Variants in GPX5 observed in about 807,000 individuals in gnomAD.
GPX5 encodes glutathione peroxidase 5.
In GPX5, 20 loss-of-function variants were observed where a neutral mutation model predicts 23.8. The ratio of observed to expected loss-of-function variants is 0.84; its 90% CI spans 0.59 to 1.22. GPX5 has a LOEUF of 1.22. GPX5 is among the 50% of genes most tolerant of loss of function. The pLI is 0.00. For synonymous variants in GPX5, 92 were observed against 99.5 expected (o/e 0.92, Z 0.45); for missense variants, 230 against 266.6 (o/e 0.86, Z 0.96).
At position 28,530,703 on chromosome 6, in the gene GPX5, T is replaced by G. The variant is rs540636768; in HGVS notation, c.242-1075T>G. On this transcript the variant is annotated intron_variant, in intron 2 of 4. Coordinates refer to ENST00000412168, the MANE Select transcript of GPX5 (RefSeq NM_001509.3). ...ATTGGACCACAATTTATTTTCCCAG[T>G]TTATAGGGACTTTAAGAATCGATTT... Among the ~76,000 whole-genome samples the G allele has an allele frequency of 3.3e-5, 5 of 152,298 alleles. No individual in the cohort carries two copies. In the East Asian group the frequency reaches 7.7e-4, roughly 23 times the overall value.
chr6:28,531,765 C>T lies in GPX5; in HGVS notation c.242-13C>T, dbSNP rs770456980. 31 of 1,572,204 alleles carry T rather than the reference C, an allele frequency of 2.0e-5. 1 individual carries two copies. In the Admixed American group the frequency reaches 5.5e-4, roughly 28 times the overall value. ...CTCTACCTAGACCAAAATTGTTCCT[C>T]CTCTAACTGCAGAACTAAATGCACT... is the stretch of plus-strand genomic sequence containing the variant. On this transcript the variant is annotated splice_polypyrimidine_tract_variant and intron_variant, in intron 2 of 4. Transcript: ENST00000412168.
chr6:28,529,671 C>A, intron 2 of GPX5, 67 bp downstream of exon 2: 1 of 1,096,890 alleles, frequency 9.1e-7, no homozygotes. Flanking sequence ...CTAAATTATA[C>A]TTGGAATTAT....
At chr6:28,528,812 TG>T (rs1763256307) in intron 1 of GPX5, among the ~76,000 whole-genome samples, 1 of 87,782 alleles carries the variant, frequency 1.1e-5, no homozygotes, top group South Asian at 3.4e-4. Context: ...TATATATGTG[TG>T]TATATATATA....
chr6:28,526,154 C>T, intron 1 of GPX5, 54 bp downstream of exon 1: 2 of 1,289,116 alleles, frequency 1.6e-6, no homozygotes, highest in Non-Finnish European at 1.1e-6. Flanking sequence ...TACTTCTAGA[C>T]CCTGCCCTCC....
Position 28,525,922 on chromosome 6 carries a change from G to T in GPX5, c.-92G>T. On this transcript the variant is annotated 5_prime_UTR_variant, in exon 1 of 5. Coordinates refer to ENST00000412168, the MANE Select transcript of GPX5 (RefSeq NM_001509.3). ...TGCAGCCCTGTGACTGGCCTGTGGG[G>T]GCTTGGGCTAAGTCCCTGCCAAGAT... is the stretch of plus-strand genomic sequence containing the variant. The T allele has an allele frequency of 2.2e-6, 2 of 915,510 alleles. No individual in the cohort carries two copies. Among genetic ancestry groups the T allele is most frequent in the Non-Finnish European group, 3.6e-6 (2 of 555,200 alleles). The allele number at this position is 915,510 out of a possible 1,614,324, so 56.7% of individuals were successfully genotyped here. A position where few individuals can be genotyped will look rare whatever the true frequency, so the allele number is the denominator to read the frequency against.
At chr6:28,529,107 A>G (rs1763264586) in intron 1 of GPX5, among the ~76,000 whole-genome samples, 1 of 149,270 alleles carries the variant, frequency 6.7e-6, no homozygotes, top group East Asian at 2.0e-4. Flanking sequence ...TTTTTTTCTC[A>G]TTAATCATCC....
chr6:28,532,963 A>T (rs1046550580), intron 4 of GPX5, among the ~76,000 whole-genome samples: 4 of 152,058 alleles, frequency 2.6e-5, no homozygotes, highest in Non-Finnish European at 4.4e-5. Flanking sequence ...TACAAAACAA[A>T]TCAAAAAATT....
intron 1 of GPX5, among the ~76,000 whole-genome samples, chr6:28,529,140 G>T (rs895957489): frequency 6.7e-6 from 1 of 149,280 alleles, no homozygotes; most frequent in Non-Finnish European, 1.5e-5. Flanking sequence ...CACCCTCCTA[G>T]TATCTTTCCC....
intron 1 of GPX5, among the ~76,000 whole-genome samples, chr6:28,527,255 A>G (rs1403913128): frequency 6.7e-6 from 1 of 149,830 alleles, no homozygotes; most frequent in Non-Finnish European, 1.5e-5. Context: ...GTAGCAAAAG[A>G]AAAAAAAAAG....
At chr6:28,528,888 G>A (rs1763260861) in intron 1 of GPX5, among the ~76,000 whole-genome samples, 1 of 129,508 alleles carries the variant, frequency 7.7e-6, no homozygotes, top group Non-Finnish European at 1.6e-5. Flanking sequence ...TATGGTACAA[G>A]AGATGTTTTG....
Position 28,532,374 on chromosome 6 carries a change from G to C in GPX5, c.413G>C (p.Gly138Ala). ...CCTAGTTTCCAGCTTTTTGAGAAAGGGGATGTGAATGGTGAAAAAGAACAG... is the reference window on the plus strand; with the variant it reads ...CCTAGTTTCCAGCTTTTTGAGAAAGCGGATGTGAATGGTGAAAAAGAACAG... ...FVPSFQLFEK[G>A]DVNGEKEQKV... The change falls in exon 4 of 5, where the codon GGG becomes GCG. Residue 138 changes from glycine (G) to alanine (A), a missense_variant. Transcript: ENST00000412168. The C allele has an allele frequency of 6.3e-7, 1 of 1,592,704 alleles. No homozygotes were observed.
At chr6:28,530,613 T>C (rs1235936735) in intron 2 of GPX5, among the ~76,000 whole-genome samples, 1 of 152,240 alleles carries the variant, frequency 6.6e-6, no homozygotes, top group Non-Finnish European at 1.5e-5. Flanking sequence ...CTTGATTTTT[T>C]AATTAATAAA....
At chr6:28,527,470 G>T (rs1175258214) in intron 1 of GPX5, among the ~76,000 whole-genome samples, 1 of 152,114 alleles carries the variant, frequency 6.6e-6, no homozygotes, top group African/African-American at 2.4e-5. Flanking sequence ...TAGTATGCTG[G>T]TGATAAAATC....
intron 1 of GPX5, among the ~76,000 whole-genome samples, chr6:28,527,507 TTG>T (rs1312822563): frequency 6.6e-6 from 1 of 152,018 alleles, no homozygotes; most frequent in African/African-American, 2.4e-5. Context: ...TAGAAAAAAG[TTG>T]TGTTTTGTTT....
At chr6:28,530,559 C>T (rs1763294053) in intron 2 of GPX5, among the ~76,000 whole-genome samples, 1 of 152,032 alleles carries the variant, frequency 6.6e-6, no homozygotes, top group African/African-American at 2.4e-5. Context: ...TGTTTCTGCT[C>T]CCCCCTCCCC....
chr6:28,529,118 C>T (rs1436707214), intron 1 of GPX5, among the ~76,000 whole-genome samples: 1 of 151,436 alleles, frequency 6.6e-6, no homozygotes, highest in Non-Finnish European at 1.5e-5. Context: ...TTAATCATCC[C>T]AACCTCCCTT....
chr6:28,534,327 C>G lies in GPX5; in HGVS notation c.*160C>G, dbSNP rs1763384898. 2 of 484,862 alleles carry G rather than the reference C, an allele frequency of 4.1e-6. No homozygotes were observed. The highest frequency in any genetic ancestry group is 7.2e-6 in the Non-Finnish European group (2 of 277,354). 30.0% of individuals were successfully genotyped at this position (484,862 alleles called of 1,614,324 possible). ...GCCACATACTGCCAGAATTCCCACT[C>G]TCCACAAACTAGATTTATATTTGGA... On this transcript the variant is annotated 3_prime_UTR_variant, in exon 5 of 5. Coordinates refer to ENST00000412168, the MANE Select transcript of GPX5 (RefSeq NM_001509.3).
rs927618052 is a variant in GPX5, at chr6:28,525,903, C to A, written c.-111C>A. ...CTCATGCGTCGGGAATCCTTGCAGC[C>A]CTGTGACTGGCCTGTGGGGGCTTGG... On this transcript the variant is annotated 5_prime_UTR_variant, in exon 1 of 5. Transcript: ENST00000412168. 7.7e-6 allele frequency: 6 copies of A among 781,748 alleles called. No homozygotes were observed. The African/African-American group carries it at 8.5e-5, about 11-fold the overall frequency. 48.4% of individuals were successfully genotyped at this position (781,748 alleles called of 1,614,324 possible). A position where few individuals can be genotyped will look rare whatever the true frequency, so the allele number is the denominator to read the frequency against.
rs1490116681 is a variant in GPX5 at position 28,533,977 on chromosome 6, C to T, written c.476C>T (p.Pro159Leu). Residue 159 changes from proline to leucine, a missense_variant, in exon 5 of 5, where the codon CCC (proline) becomes CTC (leucine). Transcript: ENST00000412168. Reference protein sequence around the residue: ...FSFLKHSCPHPSEILGTFKSI... With the variant: ...FSFLKHSCPHLSEILGTFKSI... ...CTGGTTTAGCACTCCTGTCCTCATC[C>T]CTCTGAGATTTTGGGCACATTCAAA... 1 of 1,591,660 alleles carries T rather than the reference C, an allele frequency of 6.3e-7. No homozygotes were observed. Among genetic ancestry groups the T allele is most frequent in the South Asian group, 1.1e-5 (1 of 87,352 alleles).
Sources: gnomAD v4.1 joint callset for allele counts (sites outside exome capture counted in the v4.1 genomes callset) on GRCh38, gnomAD v4.1.1 for gene constraint, MANE v1.5 for transcripts, NCBI Gene and HGNC (gene_info 2026-07-23, HGNC 2026-07-21) for gene names.